The following GABRR1 variants were observed in gnomAD, a reference collection of about 807,000 sequenced individuals.
GABRR1 encodes gamma-aminobutyric acid type A receptor subunit rho1, also known as gamma-aminobutyric acid receptor subunit rho-1.
GABRR1 carries 59 observed loss-of-function variants against 55.5 expected under a neutral mutation model. That is an observed-to-expected ratio of 1.06 (90% confidence interval 0.86 to 1.32). The LOEUF (loss-of-function observed/expected upper bound fraction) is 1.32. Among genes scored for constraint, GABRR1 ranks in the 40% most tolerant of loss-of-function variants. The pLI, the probability that GABRR1 is intolerant of heterozygous loss-of-function variation, is 0.00. For missense variants in GABRR1, 602 were observed against 619.1 expected, an observed-to-expected ratio of 0.97 and a Z score of 0.29; for synonymous variants, 213 against 226.0, an observed-to-expected ratio of 0.94 and a Z score of 0.51.
At chr6:89,209,409 T>C (rs1372468008) in intron 1 of GABRR1, among the ~76,000 whole-genome samples, 2 of 152,210 alleles carry the variant, frequency 1.3e-5, no homozygotes, top group African/African-American at 4.8e-5. Context: ...TTTAGACTCT[T>C]GTTAAATGCC....
chr6:89,192,680 C>T lies in GABRR1; in HGVS notation c.573-2433G>A, dbSNP rs150081640. ...GGTTCAAACGATTCTCCTGCCTCAGCCTCCTGAGTAGCTGGGACTACAGAC... is the reference window on the plus strand; with the variant it reads ...GGTTCAAACGATTCTCCTGCCTCAGTCTCCTGAGTAGCTGGGACTACAGAC... On this transcript the variant is annotated intron_variant, in intron 5 of 9. Transcript: ENST00000454853. Among the ~76,000 whole-genome samples, 8 of 151,962 alleles carry T rather than the reference C, an allele frequency of 5.3e-5. 1 individual carries two copies. Among genetic ancestry groups the T allele is most frequent in the African/African-American group, 1.9e-4 (8 of 41,372 alleles).
intron 4 of GABRR1, 39 bp from the exon 5 acceptor site, chr6:89,198,282 A>G (rs1296404238): frequency 2.1e-6 from 3 of 1,403,344 alleles, no homozygotes; most frequent in Non-Finnish European, 3.0e-6. Context: ...CCAGACACAC[A>G]CAAACCCACT....
rs1771641214 is a variant in GABRR1 at position 89,179,213 on chromosome 6, TTTTG to T, written c.1147-154_1147-151del. 9 of 831,232 alleles carry T rather than the reference TTTTG, an allele frequency of 1.1e-5. No individual in the cohort carries two copies. The Admixed American group carries it at 2.4e-4, about 22-fold the overall frequency. 51.5% of individuals were successfully genotyped at this position (831,232 alleles called of 1,614,324 possible). ...GTATCCTGTTTTGTTTTGTTTTTGT[TTTTG>T]TTTTTTTTTTGGGGGGGACTTGAGT... On this transcript the variant is annotated intron_variant, in intron 9 of 9. Transcript: ENST00000454853.
At chr6:89,225,911 T>A (rs1307334407) in intron 1 of GABRR1, among the ~76,000 whole-genome samples, 1 of 146,328 alleles carries the variant, frequency 6.8e-6, no homozygotes, top group African/African-American at 2.6e-5. Flanking sequence ...TTTCTCCACA[T>A]CCTCTCCAGC....
At chr6:89,207,988 A>C (rs1344819189) in intron 1 of GABRR1, among the ~76,000 whole-genome samples, 1 of 152,222 alleles carries the variant, frequency 6.6e-6, no homozygotes, top group Non-Finnish European at 1.5e-5. Context: ...CTGTGAAATA[A>C]GGGATTAGGC....
chr6:89,224,791 T>G (rs1773171976), intron 1 of GABRR1, among the ~76,000 whole-genome samples: 1 of 152,152 alleles, frequency 6.6e-6, no homozygotes, highest in African/African-American at 2.4e-5. Flanking sequence ...TAGAATTTTT[T>G]TTTTTCCCCA....
intron 2 of GABRR1, among the ~76,000 whole-genome samples, chr6:89,201,951 G>A (rs116561109): frequency 0.017 from 2,551 of 152,178 alleles, 66 homozygotes; most frequent in African/African-American, 0.053. Context: ...TTCCCTTAAA[G>A]TGCCTCAGCC....
At chr6:89,196,203 T>A (rs1194663013) in intron 5 of GABRR1, among the ~76,000 whole-genome samples, 1 of 152,220 alleles carries the variant, frequency 6.6e-6, no homozygotes, top group African/African-American at 2.4e-5. Flanking sequence ...TAAAAACTTA[T>A]AGTGGTTTTT....
At chr6:89,185,085 A>G (rs1164221457) in intron 7 of GABRR1, among the ~76,000 whole-genome samples, 1 of 151,944 alleles carries the variant, frequency 6.6e-6, no homozygotes, top group Non-Finnish European at 1.5e-5. Context: ...GAGTTTCACC[A>G]TGTTGGCCAG....
intron 1 of GABRR1, among the ~76,000 whole-genome samples, chr6:89,207,858 G>A (rs1315547978): frequency 1.2e-4 from 18 of 152,202 alleles, no homozygotes; most frequent in Admixed American, 1.2e-3. Context: ...AGCTCTCTGA[G>A]GCCATGACCT....
chr6:89,196,180 G>T (rs1772266550), intron 5 of GABRR1, among the ~76,000 whole-genome samples: 1 of 152,142 alleles, frequency 6.6e-6, no homozygotes, highest in African/African-American at 2.4e-5. Context: ...TTCATTTGTT[G>T]ATGATAGAAT....
intron 6 of GABRR1, among the ~76,000 whole-genome samples, chr6:89,188,122 C>G (rs941139103): frequency 6.6e-6 from 1 of 151,930 alleles, no homozygotes; most frequent in African/African-American, 2.4e-5. Flanking sequence ...CTCTTGGGCT[C>G]AAGTGATTCT....
intron 2 of GABRR1, among the ~76,000 whole-genome samples, chr6:89,202,908 T>C (rs956498051): frequency 6.6e-6 from 1 of 151,304 alleles, no homozygotes; most frequent in Non-Finnish European, 1.5e-5. Flanking sequence ...GAGATGGGGG[T>C]TCTACTATGT....
intron 1 of GABRR1, among the ~76,000 whole-genome samples, chr6:89,206,976 AG>A (rs1772669258): frequency 6.6e-6 from 1 of 152,070 alleles, no homozygotes; most frequent in Non-Finnish European, 1.5e-5. Context: ...TTACAAAGAC[AG>A]GTACCAAATA....
chr6:89,199,871 C>T (rs1311275003), intron 3 of GABRR1, among the ~76,000 whole-genome samples: 1 of 152,182 alleles, frequency 6.6e-6, no homozygotes, highest in Non-Finnish European at 1.5e-5. Context: ...AGGTCATTTG[C>T]CAAACCCACA....
At chr6:89,181,863 TA>T in intron 8 of GABRR1, 41 bp downstream of exon 8, 1 of 1,539,958 alleles carries the variant, frequency 6.5e-7, no homozygotes, top group Non-Finnish European at 8.8e-7. Context: ...TTAATACCTA[TA>T]TTTGCAGATG....
chr6:89,182,363 G>A (rs1771756557), intron 7 of GABRR1, among the ~76,000 whole-genome samples: 1 of 152,084 alleles, frequency 6.6e-6, no homozygotes, highest in African/African-American at 2.4e-5. Context: ...GTGCAGTGGT[G>A]CAATCTTGGC....
intron 7 of GABRR1, among the ~76,000 whole-genome samples, 178 bp from the exon 8 acceptor site, chr6:89,182,235 T>C (rs1771752728): frequency 6.6e-6 from 1 of 152,148 alleles, no homozygotes; most frequent in Non-Finnish European, 1.5e-5. Flanking sequence ...ACCACCTGGG[T>C]GAATCTATCT....
chr6:89,209,009 C>T (rs4707530), intron 1 of GABRR1, among the ~76,000 whole-genome samples: 32,186 of 152,124 alleles, frequency 0.21, 3,670 homozygotes, highest in Admixed American at 0.29. Context: ...GACTTCTGTT[C>T]CCACCAACTT....
Sources: allele counts gnomAD v4.1 joint callset (sites outside exome capture counted in the v4.1 genomes callset), GRCh38; gene constraint gnomAD v4.1.1; transcripts MANE v1.5; gene names NCBI Gene and HGNC (gene_info 2026-07-23, HGNC 2026-07-21).